The following MYRIP variants were observed in gnomAD, a reference collection of about 807,000 sequenced individuals.
MYRIP encodes rab effector MyRIP.
MYRIP carries 49 observed loss-of-function variants against 98.0 expected under a neutral mutation model. The observed-to-expected ratio is 0.50, with a 90% CI of 0.40 to 0.63. The LOEUF (loss-of-function observed/expected upper bound fraction) is 0.63, where lower values mean the gene tolerates loss of function less well. Ranked by LOEUF, MYRIP falls within the 30% of genes least tolerant of loss-of-function variation. The probability of loss-of-function intolerance (pLI) is 0.00; values close to 1 mark genes in which losing one functional copy is unlikely to be tolerated. For synonymous variants in MYRIP, 404 were observed against 409.5 expected (o/e 0.99, Z 0.16); for missense variants, 1,004 against 1,058.2 (o/e 0.95, Z 0.71).
At chr3:40,010,890 T>A (rs2125795651) in intron 2 of MYRIP, among the ~76,000 whole-genome samples, 1 of 152,296 alleles carries the variant, frequency 6.6e-6, no homozygotes, top group East Asian at 1.9e-4. Flanking sequence ...ATCTCATTCT[T>A]GCTGTACTTG....
At chr3:40,125,274 G>T (rs968314173) in intron 3 of MYRIP, among the ~76,000 whole-genome samples, 3 of 152,134 alleles carry the variant, frequency 2.0e-5, no homozygotes, top group Non-Finnish European at 2.9e-5. Context: ...TGATCACAAG[G>T]TCCCACAATA....
At chr3:39,981,482 T>G (rs1022835159) in intron 2 of MYRIP, among the ~76,000 whole-genome samples, 9 of 152,208 alleles carry the variant, frequency 5.9e-5, no homozygotes, top group Admixed American at 3.9e-4. Flanking sequence ...ATTTTAGCAT[T>G]TTGGTTTCCA....
intron 2 of MYRIP, among the ~76,000 whole-genome samples, chr3:39,907,532 G>A (rs1460181395): frequency 3.3e-5 from 5 of 152,144 alleles, no homozygotes; most frequent in Admixed American, 2.6e-4. Context: ...TGGAAACATG[G>A]CACCACATGA....
Position 40,151,083 on chromosome 3 carries a change from A to G in MYRIP, c.368A>G (p.Asn123Ser). The change falls in exon 4 of 17, where the codon AAT becomes AGT. Residue 123 changes from asparagine (N) to serine (S), a missense_variant. Physicochemically the swap from Asn to Ser is conservative, Grantham distance 46 (BLOSUM62 1). Coordinates refer to ENST00000302541, the MANE Select transcript of MYRIP (RefSeq NM_015460.4). ...LRAQSLEWFY[N>S]NVKSRFKRFG... ...GCCCAATCTCTGGAATGGTTCTACA[A>G]TAATGTGAAGAGCCGCTTCAAGCGC... 1.2e-6 allele frequency: 2 copies of G among 1,609,112 alleles called. No individual in the cohort carries two copies. The highest frequency in any genetic ancestry group is 1.1e-5 in the South Asian group (1 of 90,034).
At chr3:40,221,823 A>G (rs562233857) in intron 11 of MYRIP, among the ~76,000 whole-genome samples, 8 of 152,250 alleles carry the variant, frequency 5.3e-5, no homozygotes, top group Non-Finnish European at 1.0e-4. Flanking sequence ...AGAAGCACCC[A>G]GGGGTATATT....
intron 7 of MYRIP, among the ~76,000 whole-genome samples, chr3:40,168,773 C>A (rs1240245485): frequency 6.6e-6 from 1 of 152,148 alleles, no homozygotes; most frequent in Non-Finnish European, 1.5e-5. Flanking sequence ...ACTGACTCCC[C>A]CCTCTCATCT....
At chr3:39,877,100 C>A (rs1475077647) in intron 1 of MYRIP, among the ~76,000 whole-genome samples, 1 of 152,090 alleles carries the variant, frequency 6.6e-6, no homozygotes, top group Non-Finnish European at 1.5e-5. Flanking sequence ...TTTGATCTTC[C>A]ATCACTGATA....
At chr3:40,135,197 T>C (rs1575565543) in intron 3 of MYRIP, among the ~76,000 whole-genome samples, 2 of 152,276 alleles carry the variant, frequency 1.3e-5, no homozygotes, top group Middle Eastern at 3.4e-3. Context: ...AAGGACCTGA[T>C]GGAGCTGAAA....
intron 1 of MYRIP, among the ~76,000 whole-genome samples, chr3:39,838,251 T>TAGGA (rs148521836): frequency 0.25 from 38,381 of 152,066 alleles, 5,092 homozygotes; most frequent in Middle Eastern, 0.31. Flanking sequence ...CTATGTTGAA[T>TAGGA]AGGAGTGTTG....
chr3:39,998,217 G>T (rs1480580292), intron 2 of MYRIP, among the ~76,000 whole-genome samples: 4 of 152,124 alleles, frequency 2.6e-5, no homozygotes, highest in African/African-American at 9.7e-5. Flanking sequence ...TAAAGGGTAT[G>T]CAATTAGGAA....
At chr3:40,015,926 C>T (rs1946852291) in intron 2 of MYRIP, among the ~76,000 whole-genome samples, 1 of 152,148 alleles carries the variant, frequency 6.6e-6, no homozygotes, top group Non-Finnish European at 1.5e-5. Context: ...TTCACTGAAA[C>T]CACTCTTCCT....
intron 3 of MYRIP, among the ~76,000 whole-genome samples, chr3:40,091,838 C>T (rs1242833321): frequency 2.0e-5 from 3 of 152,138 alleles, no homozygotes; most frequent in Non-Finnish European, 4.4e-5. Context: ...GATAAATGCT[C>T]TTTCTCAATT....
chr3:40,124,795 C>A (rs1269914581), intron 3 of MYRIP, among the ~76,000 whole-genome samples: 1 of 152,192 alleles, frequency 6.6e-6, no homozygotes, highest in Non-Finnish European at 1.5e-5. Context: ...CATAAACCCC[C>A]ACCTGGCATG....
chr3:40,145,355 GGGAAAGAAATTATACATTC>G (rs1202387041), intron 3 of MYRIP, among the ~76,000 whole-genome samples: 23 of 152,146 alleles, frequency 1.5e-4, no homozygotes, highest in African/African-American at 4.3e-4. Flanking sequence ...GAAGTTTTAT[GGGAAAGAAATTATACATTC>G]GGTATATTGT....
chr3:39,986,455 C>CTCTCT (rs1559549156), intron 2 of MYRIP, among the ~76,000 whole-genome samples: 2 of 127,014 alleles, frequency 1.6e-5, no homozygotes, highest in African/African-American at 8.1e-5. Flanking sequence ...TCTCTCTCTC[C>CTCTCT]CTCTCTCTCT....
Position 40,111,070 on chromosome 3 carries a change from G to A in MYRIP, c.333-39978G>A, listed in dbSNP as rs142362540. 6.6e-5 allele frequency among the ~76,000 whole-genome samples: 10 copies of A among 152,208 alleles called. No homozygotes were observed. The East Asian group carries it at 1.7e-3, about 26-fold the overall frequency. On this transcript the variant is annotated intron_variant, in intron 3 of 16. Transcript: ENST00000302541. ...AACCTTCAGTCTGATGCCTGAAAAT[G>A]GCAAAGTTAGACCCCAGGGTCCCCC...
At chr3:39,960,763 T>C (rs1945303219) in intron 2 of MYRIP, among the ~76,000 whole-genome samples, 1 of 152,166 alleles carries the variant, frequency 6.6e-6, no homozygotes, top group South Asian at 2.1e-4. Context: ...AATGAGGGAA[T>C]CAAGGCAGAG....
intron 2 of MYRIP, among the ~76,000 whole-genome samples, chr3:39,953,635 T>A (rs1945083879): frequency 6.6e-6 from 1 of 152,058 alleles, no homozygotes; most frequent in Admixed American, 6.5e-5. Flanking sequence ...GACGGGTGAT[T>A]TCTGCATTTC....
intron 8 of MYRIP, among the ~76,000 whole-genome samples, chr3:40,181,154 G>C (rs1459801301): frequency 6.6e-6 from 1 of 151,478 alleles, no homozygotes; most frequent in Non-Finnish European, 1.5e-5. Flanking sequence ...GTGAGTGCAG[G>C]GCAAGATTAA....
Sources: allele counts gnomAD v4.1 joint callset (sites outside exome capture counted in the v4.1 genomes callset), GRCh38; gene constraint gnomAD v4.1.1; transcripts MANE v1.5; gene names NCBI Gene and HGNC (gene_info 2026-07-23, HGNC 2026-07-21).